CALHM4: variants seen among roughly 807,000 people sequenced by gnomAD.
CALHM4 encodes calcium homeostasis modulator family member 4.
In CALHM4, 16 loss-of-function variants were observed where a neutral mutation model predicts 13.3. That is an observed-to-expected ratio of 1.20 (90% confidence interval 0.81 to 1.82). CALHM4 has a LOEUF of 1.82. CALHM4 is among the 40% of genes most tolerant of loss of function. The pLI is 0.00. For missense variants in CALHM4, 344 were observed against 374.9 expected (o/e 0.92, Z 0.68); for synonymous variants, 127 against 137.1 (o/e 0.93, Z 0.52).
upstream of CALHM4, among the ~76,000 whole-genome samples, chr6:116,550,446 C>G (rs1450519018): frequency 6.6e-6 from 1 of 152,110 alleles, no homozygotes; most frequent in Non-Finnish European, 1.5e-5. Context: ...CTCTCCACAC[C>G]TTAGTCCTCT....
upstream of CALHM4, among the ~76,000 whole-genome samples, chr6:116,549,202 G>A (rs143638341): frequency 5.3e-3 from 814 of 152,252 alleles, 8 homozygotes; most frequent in African/African-American, 0.019. Context: ...CAAGAGAATC[G>A]CTTGAACCTG....
At chr6:116,553,563 C>T (rs1365850628), upstream of CALHM4, among the ~76,000 whole-genome samples, 1 of 152,204 alleles carries the variant, frequency 6.6e-6, no homozygotes, top group African/African-American at 2.4e-5. Context: ...AAACTCCCCC[C>T]TTCACTCATA....
chr6:116,545,449 A>C (rs1452413284), intron 2 of CALHM4: 1 of 1,535,554 alleles, frequency 6.5e-7, no homozygotes, highest in Non-Finnish European at 8.8e-7. Flanking sequence ...AAGTAGAAAA[A>C]ATCTCTTTGT....
upstream of CALHM4, among the ~76,000 whole-genome samples, chr6:116,552,558 G>C (rs774670413): frequency 3.3e-5 from 5 of 151,966 alleles, no homozygotes; most frequent in Non-Finnish European, 5.9e-5. Context: ...TGCATTTTGG[G>C]TGAATTTCTC....
intron 1 of CALHM4, among the ~76,000 whole-genome samples, chr6:116,531,401 T>C (rs1772715201): frequency 6.6e-6 from 1 of 152,032 alleles, no homozygotes; most frequent in African/African-American, 2.4e-5. Context: ...AATGGAAAGA[T>C]ATTAGTAGGT....
intron 1 of CALHM4, among the ~76,000 whole-genome samples, chr6:116,533,953 C>T (rs1026865804): frequency 5.9e-5 from 9 of 152,216 alleles, no homozygotes; most frequent in African/African-American, 1.9e-4. Flanking sequence ...TGCCGGCAGT[C>T]TGAGTCTAGC....
chr6:116,544,151 AAGAGAGAG>A (rs141606346), intron 2 of CALHM4, among the ~76,000 whole-genome samples: 12 of 133,012 alleles, frequency 9.0e-5, no homozygotes, highest in African/African-American at 2.9e-4. Flanking sequence ...AAAGGTGAAG[AAGAGAGAG>A]AGAGAGAGAG....
At chr6:116,550,924 C>T (rs147173748), upstream of CALHM4, among the ~76,000 whole-genome samples, 23 of 152,254 alleles carry the variant, frequency 1.5e-4, no homozygotes, top group African/African-American at 5.3e-4. Flanking sequence ...CTCTGAACCA[C>T]TTCCTTATCT....
At chr6:116,533,818 A>G (rs1172044373) in intron 1 of CALHM4, among the ~76,000 whole-genome samples, 3 of 152,210 alleles carry the variant, frequency 2.0e-5, no homozygotes, top group African/African-American at 4.8e-5. Context: ...GGCAGGGCAT[A>G]GAATACCCAG....
chr6:116,543,340 C>G (rs1310846700), intron 1 of CALHM4: 1 of 1,549,882 alleles, frequency 6.5e-7, no homozygotes, highest in Non-Finnish European at 8.7e-7. Flanking sequence ...TCATCCTTCT[C>G]ATAATCCTTA....
intron 2 of CALHM4, among the ~76,000 whole-genome samples, chr6:116,546,141 A>G (rs969563738): frequency 2.0e-5 from 3 of 152,316 alleles, no homozygotes; most frequent in Admixed American, 2.0e-4. Context: ...ATTAGCAGCA[A>G]TCAACAACAT....
At chr6:116,541,792 G>A (rs1444352801) in intron 1 of CALHM4, among the ~76,000 whole-genome samples, 1 of 152,116 alleles carries the variant, frequency 6.6e-6, no homozygotes, top group Non-Finnish European at 1.5e-5. Flanking sequence ...ACAGTGGTCA[G>A]AAGCCAAAAC....
At chr6:116,547,958 T>G (rs951895294) in intron 2 of CALHM4, among the ~76,000 whole-genome samples, 10 of 152,132 alleles carry the variant, frequency 6.6e-5, no homozygotes, top group African/African-American at 2.4e-4. Context: ...GGCAGCAGAG[T>G]AGACACTTGG....
Position 116,559,286 on chromosome 6 carries a change from C to CTATT in CALHM4, c.*1081_*1084dup, listed in dbSNP as rs535983027. Reference sequence around the variant, plus strand: ...AATAAGTTGTCTGAGGGCATTCTGTCTATTTATTTCTTCAGTCAAAACAAT... The same window carrying CTATT: ...AATAAGTTGTCTGAGGGCATTCTGTCTATTTATTTATTTCTTCAGTCAAAACAAT... On this transcript the variant is annotated 3_prime_UTR_variant, in exon 2 of 2. Transcript: ENST00000368596. Among the ~76,000 whole-genome samples the CTATT allele has an allele frequency of 6.6e-6, 1 of 152,158 alleles. No individual in the cohort carries two copies. The highest frequency in any genetic ancestry group is 2.4e-5 in the African/African-American group (1 of 41,434).
rs1376724220 is a variant in CALHM4, at chr6:116,558,523, A to G, written c.*312A>G. On this transcript the variant is annotated 3_prime_UTR_variant, in exon 2 of 2. Coordinates refer to ENST00000368596, the MANE Select transcript of CALHM4 (RefSeq NM_001366078.2). ...TTCTGAGTGCCATTTTGTCATCTGC[A>G]CATTGTAGCTACCTCCTAGAGCTAT... 1 of 289,448 alleles carries G rather than the reference A, an allele frequency of 3.5e-6. No homozygotes were observed. The highest frequency in any genetic ancestry group is 7.7e-5 in the East Asian group (1 of 13,022). The allele number at this position is 289,448 out of a possible 1,614,324, so 17.9% of individuals were successfully genotyped here.
upstream of CALHM4, among the ~76,000 whole-genome samples, chr6:116,549,741 C>T (rs1450457854): frequency 6.6e-6 from 1 of 151,156 alleles, no homozygotes; most frequent in Non-Finnish European, 1.5e-5. Context: ...TTTGGGAGGC[C>T]GAGGTAGGTG....
At chr6:116,548,740 A>G (rs1455927899) in intron 2 of CALHM4, among the ~76,000 whole-genome samples, 2 of 152,222 alleles carry the variant, frequency 1.3e-5, no homozygotes, top group Non-Finnish European at 2.9e-5. Context: ...AGCTTAAGCT[A>G]GCCTACCTTA....
At chr6:116,536,161 T>C (rs1284024195) in intron 1 of CALHM4, among the ~76,000 whole-genome samples, 2 of 152,210 alleles carry the variant, frequency 1.3e-5, no homozygotes, top group Non-Finnish European at 2.9e-5. Context: ...AGTTAAGTTG[T>C]ATATTATAAA....
intron 1 of CALHM4, 66 bp from the exon 2 acceptor site, chr6:116,557,759 A>G: frequency 6.5e-7 from 1 of 1,535,562 alleles, no homozygotes. Context: ...CCCCCCTCCC[A>G]TGGCTGTTGC....
Sources: gnomAD v4.1 joint callset for allele counts (sites outside exome capture counted in the v4.1 genomes callset) on GRCh38, gnomAD v4.1.1 for gene constraint, MANE v1.5 for transcripts, NCBI Gene and HGNC (gene_info 2026-07-23, HGNC 2026-07-21) for gene names.